Variants in TMEM207 observed in about 807,000 individuals in gnomAD.
The protein encoded by TMEM207 is transmembrane protein 207.
In TMEM207, 15 loss-of-function variants were observed where a neutral mutation model predicts 17.4. That is an observed-to-expected ratio of 0.86 (90% CI 0.58 to 1.33). TMEM207 has a LOEUF of 1.33. Among genes scored for constraint, TMEM207 ranks in the 40% most tolerant of loss-of-function variants. The pLI is 0.00. For missense variants in TMEM207, 205 were observed against 173.8 expected (o/e 1.18, Z -1.01); for synonymous variants, 70 against 65.6 (o/e 1.07, Z -0.33).
At chr3:190,433,400 T>G (rs1719731445) in intron 4 of TMEM207, among the ~76,000 whole-genome samples, 1 of 152,108 alleles carries the variant, frequency 6.6e-6, no homozygotes, top group South Asian at 2.1e-4. Context: ...TATACAAATT[T>G]AAAAAATAAA....
chr3:190,444,704 T>A lies in TMEM207; in HGVS notation c.113+3086A>T, dbSNP rs891607255. Among the ~76,000 whole-genome samples the A allele has an allele frequency of 3.3e-5, 5 of 152,242 alleles. 1 individual carries two copies. The Middle Eastern group carries it at 0.014, about 414-fold the overall frequency. ...ATAGTGTCCTCTAAAATTAACAAAA[T>A]GAACAGCATTACTCACCAGATGTAC... is the stretch of plus-strand genomic sequence containing the variant. On this transcript the variant is annotated intron_variant, in intron 2 of 4. Transcript: ENST00000354905.
intron 4 of TMEM207, among the ~76,000 whole-genome samples, chr3:190,435,599 C>G (rs548788567): frequency 1.3e-5 from 2 of 152,128 alleles, no homozygotes; most frequent in African/African-American, 4.8e-5. Context: ...GATCTTTGAG[C>G]GCACAGTAAG....
chr3:190,430,708 C>T (rs1719673601), intron 4 of TMEM207, among the ~76,000 whole-genome samples: 1 of 151,938 alleles, frequency 6.6e-6, no homozygotes, highest in South Asian at 2.1e-4. Flanking sequence ...ATTTATGAAA[C>T]ACAATCTTAT....
intron 2 of TMEM207, among the ~76,000 whole-genome samples, chr3:190,445,579 G>A (rs1020883613): frequency 1.3e-5 from 2 of 152,238 alleles, no homozygotes; most frequent in Admixed American, 1.3e-4. Flanking sequence ...AGGCTGGAGT[G>A]CAGTGGTGCG....
intron 2 of TMEM207, 64 bp downstream of exon 2, chr3:190,447,725 CT>C: frequency 4.5e-6 from 7 of 1,549,514 alleles, no homozygotes; most frequent in East Asian, 2.3e-5. Flanking sequence ...TGGCTTGAGC[CT>C]TTTTTATACT....
At chr3:190,446,067 G>A (rs1237794331) in intron 2 of TMEM207, among the ~76,000 whole-genome samples, 1 of 152,120 alleles carries the variant, frequency 6.6e-6, no homozygotes, top group East Asian at 1.9e-4. Context: ...ACAAGCTACT[G>A]TCCTTTTGTG....
At chr3:190,441,038 C>A (rs1719924689) in intron 3 of TMEM207, among the ~76,000 whole-genome samples, 1 of 151,954 alleles carries the variant, frequency 6.6e-6, no homozygotes, top group African/African-American at 2.4e-5. Flanking sequence ...CACTGCACTG[C>A]AGCCTGGGCG....
intron 4 of TMEM207, among the ~76,000 whole-genome samples, chr3:190,437,843 C>A (rs1421796260): frequency 6.6e-6 from 1 of 151,158 alleles, no homozygotes; most frequent in Non-Finnish European, 1.5e-5. Flanking sequence ...GACTTGGAAC[C>A]AACCCAAATG....
At chr3:190,431,957 T>A (rs760520008) in intron 4 of TMEM207, among the ~76,000 whole-genome samples, 9 of 152,176 alleles carry the variant, frequency 5.9e-5, no homozygotes, top group Non-Finnish European at 1.2e-4. Flanking sequence ...CAAATATGTG[T>A]TATATCAGTT....
chr3:190,447,112 T>G lies in TMEM207; in HGVS notation c.113+678A>C, dbSNP rs907900710. ...GCTATACAGAGAGCATGGCTTTGAG[T>G]GTAACAGGCAATGAAGACTGAAAAC... On this transcript the variant is annotated intron_variant, in intron 2 of 4. Transcript: ENST00000354905. Among the ~76,000 whole-genome samples, 2 of 151,754 alleles carry G rather than the reference T, an allele frequency of 1.3e-5. 1 individual carries two copies. Among genetic ancestry groups the G allele is most frequent in the Admixed American group, 1.3e-4 (2 of 15,226 alleles).
In TMEM207 at chr3:190,449,744, C is replaced by G. The variant is rs10513852; in HGVS notation, c.66G>C (p.Pro22=). The change falls in exon 1 of 5, where the codon CCG becomes CCC. Residue 22 remains proline, a synonymous_variant. Transcript: ENST00000354905. ...AAAGAGAGATAGTTACCTGGAATAG[C>G]GGCAAACACAAGATCCCTATCGTTG... ...AISTIGILCL[P]LFQLVLSDLP... The G allele has an allele frequency of 6.2e-7, 1 of 1,612,784 alleles. No homozygotes were observed. The highest frequency in any genetic ancestry group is 1.3e-5 in the African/African-American group (1 of 74,854).
intron 4 of TMEM207, among the ~76,000 whole-genome samples, chr3:190,431,520 T>C (rs113103812): frequency 3.3e-5 from 5 of 152,234 alleles, no homozygotes; most frequent in Admixed American, 2.0e-4. Flanking sequence ...TAGAGCCCTT[T>C]GCAGTTTATA....
At chr3:190,430,967 C>T (rs899654129) in intron 4 of TMEM207, among the ~76,000 whole-genome samples, 4 of 152,072 alleles carry the variant, frequency 2.6e-5, no homozygotes, top group African/African-American at 9.7e-5. Context: ...CACTAGGATC[C>T]ATACGGAGAT....
At position 190,429,563 on chromosome 3, in the gene TMEM207, T is replaced by C. The variant is rs1269877940; in HGVS notation, c.*32A>G. 15 of 1,606,576 alleles carry C rather than the reference T, an allele frequency of 9.3e-6. No individual in the cohort carries two copies. Among genetic ancestry groups the C allele is most frequent in the Non-Finnish European group, 7.7e-6 (9 of 1,174,906 alleles). On this transcript the variant is annotated 3_prime_UTR_variant, in exon 5 of 5. Transcript: ENST00000354905. Reference sequence around the variant, plus strand: ...GATGTTTTGGAATTACAGATGTCGTTAATACTTTAAATTGATAATCCACAC... The same window carrying C: ...GATGTTTTGGAATTACAGATGTCGTCAATACTTTAAATTGATAATCCACAC...
intron 4 of TMEM207, 138 bp from the exon 5 acceptor site, chr3:190,429,869 CA>C (rs1387436326): frequency 9.0e-7 from 1 of 1,115,564 alleles, no homozygotes; most frequent in Non-Finnish European, 1.2e-6. Context: ...AAAAAAATTA[CA>C]ACTATCTTGC....
chr3:190,433,532 G>A (rs978461086), intron 4 of TMEM207, among the ~76,000 whole-genome samples: 2 of 152,086 alleles, frequency 1.3e-5, no homozygotes, highest in East Asian at 3.9e-4. Context: ...GCTGAGCGAT[G>A]ACCACAAACA....
intron 4 of TMEM207, among the ~76,000 whole-genome samples, chr3:190,437,530 C>A (rs1450656051): frequency 6.6e-6 from 1 of 152,126 alleles, no homozygotes; most frequent in Non-Finnish European, 1.5e-5. Context: ...AAATTGTGAC[C>A]ATATAAACCA....
chr3:190,434,925 A>G (rs1354633249), intron 4 of TMEM207, among the ~76,000 whole-genome samples: 2 of 152,208 alleles, frequency 1.3e-5, no homozygotes, highest in Non-Finnish European at 2.9e-5. Context: ...AAAAAGAAGA[A>G]TTTAGAATCT....
At chr3:190,438,982 G>A (rs1192893596) in intron 4 of TMEM207, among the ~76,000 whole-genome samples, 1 of 151,888 alleles carries the variant, frequency 6.6e-6, no homozygotes, top group African/African-American at 2.4e-5. Flanking sequence ...GAGGTCAGGA[G>A]ATCGAGACCA....
Sources: gnomAD v4.1 joint callset for allele counts (sites outside exome capture counted in the v4.1 genomes callset) on GRCh38, gnomAD v4.1.1 for gene constraint, MANE v1.5 for transcripts, NCBI Gene and HGNC (gene_info 2026-07-23, HGNC 2026-07-21) for gene names.